CCDC187: variants seen among roughly 807,000 people sequenced by gnomAD.
CCDC187 encodes coiled-coil domain containing 187, also known as coiled-coil domain-containing protein 187.
In CCDC187, 32 loss-of-function variants were observed where a neutral mutation model predicts 38.0. That is an observed-to-expected ratio of 0.84 (90% CI 0.64 to 1.13). CCDC187 has a LOEUF of 1.13. CCDC187 is among the 50% of genes most tolerant of loss of function. The probability of loss-of-function intolerance (pLI) is 0.00; values close to 1 mark genes in which losing one functional copy is unlikely to be tolerated. For synonymous variants in CCDC187, 333 were observed against 347.9 expected (o/e 0.96, Z 0.48); for missense variants, 707 against 786.8 (o/e 0.90, Z 1.21).
At chr9:136,256,359 G>A (rs1830612819) in intron 23 of CCDC187, 36 bp from the exon 24 acceptor site, 2 of 952,134 alleles carry the variant, frequency 2.1e-6, no homozygotes, top group Non-Finnish European at 2.5e-6. Context: ...CTGTTGGGGT[G>A]TGGCCTCTGT....
At chr9:136,298,535 T>A (rs1054118026) in intron 3 of CCDC187, among the ~76,000 whole-genome samples, 7 of 152,150 alleles carry the variant, frequency 4.6e-5, no homozygotes, top group African/African-American at 1.4e-4. Flanking sequence ...GAAGCCGCCA[T>A]GCGAGAACCT....
Position 136,291,233 on chromosome 9 carries a change from C to A in CCDC187, c.1380G>T (p.Pro460=), listed in dbSNP as rs1003043983. Residue 460 remains proline, a synonymous_variant, in exon 6 of 26, where the codon CCG becomes CCT. Coordinates refer to ENST00000638797, the MANE Select transcript of CCDC187 (RefSeq NM_001378188.1). ...GTCCTTGGGCCCCCCAGGCCCTCTG[C>A]GGACAGGACTCCCGTGCAGTGGAGG... ...WSSSTARESC[P]QRAWGAQGQD... is the part of the protein sequence containing the mutation. The A allele has an allele frequency of 7.5e-6, 3 of 398,752 alleles. No homozygotes were observed. In the East Asian group the frequency reaches 1.1e-4, roughly 14 times the overall value. 24.7% of individuals were successfully genotyped at this position (398,752 alleles called of 1,614,324 possible).
rs1176074072 is a variant in CCDC187 at position 136,291,333 on chromosome 9, G to A, written c.1280C>T (p.Pro427Leu). 7.5e-6 allele frequency: 3 copies of A among 398,682 alleles called. No individual in the cohort carries two copies. Among genetic ancestry groups the A allele is most frequent in the African/African-American group, 6.2e-5 (3 of 48,650 alleles). 24.7% of individuals were successfully genotyped at this position (398,682 alleles called of 1,614,324 possible). A position where few individuals can be genotyped will look rare whatever the true frequency, so the allele number is the denominator to read the frequency against. The change falls in exon 6 of 26, where the codon CCC (proline) becomes CTC (leucine). Residue 427 changes from proline to leucine, a missense_variant. By Grantham distance (98) the Pro-to-Leu change is moderately conservative. Coordinates refer to ENST00000638797, the MANE Select transcript of CCDC187 (RefSeq NM_001378188.1). The part of the protein sequence containing the change: ...PNAQSSFSKS[P>L]WAMTERKHSS... ...ATGCTTCCTCTCTGTCATGGCCCAGGGACTCTTAGAGAAGGAGCTCTGGGC... is the reference window on the plus strand; with the variant it reads ...ATGCTTCCTCTCTGTCATGGCCCAGAGACTCTTAGAGAAGGAGCTCTGGGC...
Position 136,286,098 on chromosome 9 carries a change from C to T in CCDC187, c.2820G>A (p.Glu940=), listed in dbSNP as rs1195001255. The T allele has an allele frequency of 6.0e-5, 24 of 398,400 alleles. No individual in the cohort carries two copies. Among genetic ancestry groups the T allele is most frequent in the Non-Finnish European group, 7.5e-5 (17 of 225,998 alleles). 24.7% of individuals were successfully genotyped at this position (398,400 alleles called of 1,614,324 possible). Residue 940 remains glutamate (E), a synonymous_variant, in exon 8 of 26, where the codon GAG becomes GAA. Transcript: ENST00000638797. The part of the protein sequence containing the change: ...QQSVSPRAHC[E]SKPRGFPEEG... Reference sequence around the variant, plus strand: ...GTGCCGGCCTACCTCGGGGCTTGCTCTCGCAGTGGGCCCTCGGGCTCACAC... The same window carrying T: ...GTGCCGGCCTACCTCGGGGCTTGCTTTCGCAGTGGGCCCTCGGGCTCACAC...
At chr9:136,261,224 A>C (rs1830675108) in intron 19 of CCDC187, among the ~76,000 whole-genome samples, 1 of 152,046 alleles carries the variant, frequency 6.6e-6, no homozygotes, top group Non-Finnish European at 1.5e-5. Context: ...CTTCTCTCGA[A>C]CGGCCCAATG....
chr9:136,274,822 G>C (rs1830899773), intron 13 of CCDC187, 61 bp downstream of exon 13: 1 of 152,564 alleles, frequency 6.6e-6, no homozygotes, highest in African/African-American at 2.4e-5. Context: ...TGTGCCCAGA[G>C]ACTCTGCAAC....
At position 136,252,412 on chromosome 9, in the gene CCDC187, G is replaced by A. The variant is rs1358642082; in HGVS notation, c.*1182C>T. 6 of 188,748 alleles carry A rather than the reference G, an allele frequency of 3.2e-5. No homozygotes were observed. The highest frequency in any genetic ancestry group is 2.0e-4 in the East Asian group (1 of 5,012). 11.7% of individuals were successfully genotyped at this position (188,748 alleles called of 1,614,324 possible). On this transcript the variant is annotated 3_prime_UTR_variant, in exon 26 of 26. Coordinates refer to ENST00000638797, the MANE Select transcript of CCDC187 (RefSeq NM_001378188.1). ...GTCCAGGCAACCGTCCCGCACAGCC[G>A]GCCGCCCACCCTGTCCACCGGGGGA...
chr9:136,281,701 CGT>C, intron 9 of CCDC187, 38 bp from the exon 10 acceptor site: 1 of 398,672 alleles, frequency 2.5e-6, no homozygotes, highest in Non-Finnish European at 4.4e-6. Context: ...GGGCCAGGCC[CGT>C]GGAGGAGACA....
chr9:136,266,675 G>A (rs896109627), intron 16 of CCDC187: 1 of 152,232 alleles, frequency 6.6e-6, no homozygotes, highest in Non-Finnish European at 1.5e-5. Context: ...TGTTATAGCG[G>A]TTATGTAGCT....
rs1055810976 is a variant in CCDC187 at position 136,255,692 on chromosome 9, G to A, written c.4658C>T (p.Thr1553Ile). The change falls in exon 25 of 26, where the codon ACC becomes ATC. Residue 1553 changes from threonine (T) to isoleucine (I), a missense_variant. Thr to Ile is a moderately conservative substitution (Grantham distance 89, BLOSUM62 -1). Coordinates refer to ENST00000638797, the MANE Select transcript of CCDC187 (RefSeq NM_001378188.1). ...CQQEVPGISSTWLEAAQAAAS... is the reference protein window; with the variant it reads ...CQQEVPGISSIWLEAAQAAAS... ...AGCGGCCTGGGCAGCCTCCAGCCAG[G>A]TGGAGGAGATGCCGGGGACCTCCTG... is the stretch of plus-strand genomic sequence containing the variant. 29 of 985,410 alleles carry A rather than the reference G, an allele frequency of 2.9e-5. No homozygotes were observed. The highest frequency in any genetic ancestry group is 6.2e-5 in the Admixed American group (1 of 16,260). 61.0% of individuals were successfully genotyped at this position (985,410 alleles called of 1,614,324 possible).
chr9:136,272,740 G>A (rs1159546893), intron 14 of CCDC187, among the ~76,000 whole-genome samples: 2 of 151,892 alleles, frequency 1.3e-5, no homozygotes, highest in African/African-American at 2.4e-5. Context: ...TTGGGGTGGT[G>A]GTGCATGCCT....
At position 136,254,552 on chromosome 9, in the gene CCDC187, C is replaced by G. The variant is rs559519593; in HGVS notation, c.5276G>C (p.Ser1759Thr). The change falls in exon 26 of 26, where the codon AGC (serine) becomes ACC (threonine). Residue 1759 changes from serine (S) to threonine (T), a missense_variant. Transcript: ENST00000638797. ...RSGSELSEASSKVWEEDCEED... is the reference protein window; with the variant it reads ...RSGSELSEASTKVWEEDCEED... Reference sequence around the variant, plus strand: ...CTCGCAGTCCTCCTCCCAAACTTTGCTGGAGGCCTCTGACAGCTCTGACCC... The same window carrying G: ...CTCGCAGTCCTCCTCCCAAACTTTGGTGGAGGCCTCTGACAGCTCTGACCC... 5 of 985,514 alleles carry G rather than the reference C, an allele frequency of 5.1e-6. No individual in the cohort carries two copies. The highest frequency in any genetic ancestry group is 2.3e-4 in the East Asian group (2 of 8,806). 61.0% of individuals were successfully genotyped at this position (985,514 alleles called of 1,614,324 possible). A position where few individuals can be genotyped will look rare whatever the true frequency, so the allele number is the denominator to read the frequency against.
intron 4 of CCDC187, among the ~76,000 whole-genome samples, chr9:136,294,141 C>T (rs1467714042): frequency 6.6e-6 from 1 of 151,696 alleles, no homozygotes; most frequent in Admixed American, 6.6e-5. Flanking sequence ...CACACGCCCT[C>T]ACATGCTCTC....
At chr9:136,284,952 G>A (rs1047484261) in intron 9 of CCDC187, among the ~76,000 whole-genome samples, 6 of 152,258 alleles carry the variant, frequency 3.9e-5, no homozygotes, top group East Asian at 1.9e-4. Flanking sequence ...GGCTGCAGGC[G>A]CTGGGGTAGG....
intron 8 of CCDC187, 190 bp from the exon 9 acceptor site, chr9:136,285,796 C>T (rs1418061079): frequency 1.5e-5 from 6 of 396,818 alleles, no homozygotes; most frequent in African/African-American, 8.2e-5. Flanking sequence ...GCCACTGGAG[C>T]GGCCTCACCC....
chr9:136,264,761 CT>C lies in CCDC187; in HGVS notation c.3736-964del, dbSNP rs35303959. Among the ~76,000 whole-genome samples the C allele has an allele frequency of 0.13, 18,779 of 143,184 alleles. 1,282 individuals carry two copies. Among genetic ancestry groups the C allele is most frequent in the Admixed American group, 0.21 (3,031 of 14,590 alleles). 93.9% of individuals were successfully genotyped at this position (143,184 alleles called of 152,430 possible). ...AAAGTAGTCCCCCACCCCAGCTCAC[CT>C]TTTTTTTTTTTGAAACAAGGTCTCA... On this transcript the variant is annotated intron_variant, in intron 17 of 25. Transcript: ENST00000638797. This position sits in a 1 kb window ranked among gnomAD's most constrained non-coding sequence, Gnocchi z 4.3.
At chr9:136,266,873 G>C (rs947676725) in intron 16 of CCDC187, 2 of 152,202 alleles carry the variant, frequency 1.3e-5, no homozygotes, top group East Asian at 3.9e-4. Flanking sequence ...AACTGAGGTA[G>C]GGAGTTCGAG....
chr9:136,275,721 C>G (rs1202748975), intron 12 of CCDC187, among the ~76,000 whole-genome samples: 1 of 152,216 alleles, frequency 6.6e-6, no homozygotes, highest in Non-Finnish European at 1.5e-5. Context: ...GGTGCTGAGC[C>G]ACCCCGGGCA....
chr9:136,289,401 C>T (rs905348961), intron 7 of CCDC187, among the ~76,000 whole-genome samples: 76 of 151,538 alleles, frequency 5.0e-4, no homozygotes, highest in Non-Finnish European at 8.2e-4. Context: ...TGCCTATAAT[C>T]CCAGCTACTC....
Sources: gnomAD v4.1 joint callset for allele counts (sites outside exome capture counted in the v4.1 genomes callset) on GRCh38, gnomAD v4.1.1 for gene constraint, Gnocchi (gnomAD v3.1) non-coding constraint, MANE v1.5 for transcripts, NCBI Gene and HGNC (gene_info 2026-07-23, HGNC 2026-07-21) for gene names.